RYK: variants seen among roughly 807,000 people sequenced by gnomAD.
RYK encodes the protein receptor like tyrosine kinase.
A neutral mutation model predicts 70.2 loss-of-function variants in RYK; 21 were observed. That is an observed-to-expected ratio of 0.30 (90% CI 0.21 to 0.43). RYK has a LOEUF of 0.43. Ranked by LOEUF, RYK falls within the 20% of genes least tolerant of loss-of-function variation. The pLI is 1.00. For missense variants in RYK, 604 were observed against 753.3 expected, an observed-to-expected ratio of 0.80 and a Z score of 2.32; for synonymous variants, 267 against 278.0, an observed-to-expected ratio of 0.96 and a Z score of 0.39.
chr3:134,187,900 T>C (rs2013520431), intron 9 of RYK, among the ~76,000 whole-genome samples: 1 of 151,990 alleles, frequency 6.6e-6, no homozygotes, highest in Non-Finnish European at 1.5e-5. Context: ...GCATCTGTTG[T>C]AAGTAATTAA....
chr3:134,250,356 C>G, intron 1 of RYK, 67 bp downstream of exon 1: 1 of 1,047,906 alleles, frequency 9.5e-7, no homozygotes, highest in Non-Finnish European at 1.2e-6. Flanking sequence ...CAGACTGATC[C>G]GCCGGCGGCC....
At chr3:134,198,105 A>G (rs1320068847) in intron 6 of RYK, among the ~76,000 whole-genome samples, 3 of 152,232 alleles carry the variant, frequency 2.0e-5, no homozygotes, top group African/African-American at 7.2e-5. Flanking sequence ...CTACATAGCT[A>G]TATCACAAGA....
In RYK at chr3:134,183,082, A is replaced by G; in HGVS notation, c.1103-11T>C. On this transcript the variant is annotated splice_polypyrimidine_tract_variant and intron_variant, in intron 9 of 14. Coordinates refer to ENST00000623711, the MANE Select transcript of RYK (RefSeq NM_002958.4). ...TTTCAGAAGCTTGATCTATATATAA[A>G]GAAAAGAAAATGTCTTGAATAATAA... 6.6e-7 allele frequency: 1 copy of G among 1,518,626 alleles called. No individual in the cohort carries two copies. The highest frequency in any genetic ancestry group is 8.9e-7 in the Non-Finnish European group (1 of 1,117,352). The allele number at this position is 1,518,626 out of a possible 1,614,324, so 94.1% of individuals were successfully genotyped here.
At chr3:134,188,961 A>G (rs747793127) in intron 8 of RYK, 38 bp from the exon 9 acceptor site, 12 of 1,172,582 alleles carry the variant, frequency 1.0e-5, no homozygotes, top group East Asian at 7.2e-5. Context: ...ATCATACAAC[A>G]TTCATAAAAT....
chr3:134,217,019 T>C (rs1195060095), intron 2 of RYK, among the ~76,000 whole-genome samples: 1 of 152,118 alleles, frequency 6.6e-6, no homozygotes, highest in African/African-American at 2.4e-5. Flanking sequence ...GACCACTCAC[T>C]AAGGCATGTG....
chr3:134,171,390 T>C (rs1343171113), intron 13 of RYK, among the ~76,000 whole-genome samples: 2 of 152,250 alleles, frequency 1.3e-5, no homozygotes, highest in African/African-American at 4.8e-5. Context: ...CTCAACGCTC[T>C]TGGAGCATCT....
At chr3:134,229,220 C>T (rs951416840) in intron 1 of RYK, among the ~76,000 whole-genome samples, 5 of 152,008 alleles carry the variant, frequency 3.3e-5, no homozygotes, top group Non-Finnish European at 5.9e-5. Context: ...GGGGCTCTGT[C>T]GCTCTTGCTC....
intron 11 of RYK, among the ~76,000 whole-genome samples, chr3:134,176,570 CT>C (rs1209405874): frequency 6.6e-6 from 1 of 150,850 alleles, no homozygotes; most frequent in Admixed American, 6.6e-5. Flanking sequence ...GAGGCCCTGT[CT>C]CTACACAAAA....
intron 4 of RYK, among the ~76,000 whole-genome samples, chr3:134,208,961 A>G (rs1037020263): frequency 6.6e-6 from 1 of 152,016 alleles, no homozygotes; most frequent in African/African-American, 2.4e-5. Flanking sequence ...AATTCTACCT[A>G]CGTGACCTTG....
At chr3:134,176,623 G>C (rs988368340) in intron 11 of RYK, among the ~76,000 whole-genome samples, 4 of 152,090 alleles carry the variant, frequency 2.6e-5, no homozygotes, top group African/African-American at 7.2e-5. Context: ...GCATGTTCCT[G>C]TGGTCCCAGC....
Position 134,221,997 on chromosome 3 carries a change from C to T in RYK, c.354+421G>A, listed in dbSNP as rs190914146. On this transcript the variant is annotated intron_variant, in intron 2 of 14. Transcript: ENST00000623711. ...GGCTGCATCTGCTGTACCTTTCTTA[C>T]ACCGTTTCTCCATGAGTGGGAGAAC... Among the ~76,000 whole-genome samples, 354 of 152,268 alleles carry T rather than the reference C, an allele frequency of 2.3e-3. 1 individual carries two copies. Among genetic ancestry groups the T allele is most frequent in the African/African-American group, 7.9e-3 (330 of 41,538 alleles).
chr3:134,206,675 A>C (rs4234424), intron 5 of RYK, among the ~76,000 whole-genome samples: 111,336 of 151,376 alleles, frequency 0.74, 41,513 homozygotes, highest in East Asian at 0.99. Context: ...GGAGATCTAC[A>C]CTGAAATATT....
chr3:134,181,584 A>G (rs1043479036), intron 10 of RYK: 4 of 152,160 alleles, frequency 2.6e-5, no homozygotes, highest in Non-Finnish European at 5.9e-5. Flanking sequence ...TAGTCACCTT[A>G]TTTTTCAGCA....
chr3:134,196,221 C>T (rs563838888), intron 6 of RYK, among the ~76,000 whole-genome samples: 1 of 152,152 alleles, frequency 6.6e-6, no homozygotes, highest in East Asian at 1.9e-4. Context: ...GGGTACATTT[C>T]GGTCTCACTG....
In RYK at chr3:134,240,312, T is replaced by C. The variant is rs536654286; in HGVS notation, c.232+10111A>G. On this transcript the variant is annotated intron_variant, in intron 1 of 14. Transcript: ENST00000623711. ...TAAGGTGGTAGAGATGAAACAGAAT[T>C]GGCTATGAGTTGAGAACTGCTGAAG... Among the ~76,000 whole-genome samples the C allele has an allele frequency of 6.4e-4, 98 of 152,226 alleles. 2 individuals carry two copies. The South Asian group carries it at 0.019, about 30-fold the overall frequency.
intron 3 of RYK, 116 bp downstream of exon 3, chr3:134,211,392 T>C (rs2014386343): frequency 1.7e-6 from 1 of 599,310 alleles, no homozygotes; most frequent in Admixed American, 3.2e-5. Context: ...ACAGTACTCA[T>C]ACATCTTATG....
At chr3:134,214,896 C>T (rs76062849) in intron 2 of RYK, among the ~76,000 whole-genome samples, 246 of 152,330 alleles carry the variant, frequency 1.6e-3, no homozygotes, top group Non-Finnish European at 2.8e-3. Flanking sequence ...GGTCCATTTT[C>T]CTCTCCAAAT....
At chr3:134,246,345 G>C (rs12489440) in intron 1 of RYK, among the ~76,000 whole-genome samples, 6,271 of 114,524 alleles carry the variant, frequency 0.055, 380 homozygotes, top group East Asian at 0.25. Flanking sequence ...CACACACACA[G>C]AGAGAGAGAA....
At chr3:134,235,158 A>G (rs2015168691) in intron 1 of RYK, among the ~76,000 whole-genome samples, 1 of 152,186 alleles carries the variant, frequency 6.6e-6, no homozygotes, top group African/African-American at 2.4e-5. Flanking sequence ...CTGAACATAC[A>G]CATTTTTAAG....
Sources: allele counts gnomAD v4.1 joint callset (sites outside exome capture counted in the v4.1 genomes callset), GRCh38; gene constraint gnomAD v4.1.1; transcripts MANE v1.5; gene names NCBI Gene and HGNC (gene_info 2026-07-23, HGNC 2026-07-21).